PAPOLB: variants seen among roughly 807,000 people sequenced by gnomAD.
PAPOLB encodes the protein PAP-beta.
A neutral mutation model predicts 23.2 loss-of-function variants in PAPOLB; 19 were observed. The ratio of observed to expected loss-of-function variants is 0.82; its 90% CI spans 0.57 to 1.20. The LOEUF (loss-of-function observed/expected upper bound fraction) is 1.20. Among genes scored for constraint, PAPOLB ranks in the 50% most tolerant of loss-of-function variants. PAPOLB has a pLI of 0.00. For missense variants in PAPOLB, 822 were observed against 776.8 expected (o/e 1.06, Z -0.69); for synonymous variants, 360 against 290.7 (o/e 1.24, Z -2.43).
In PAPOLB at chr7:4,860,608, G is replaced by C. The variant is rs1332799219; in HGVS notation, c.1203C>G (p.Ile401Met). The change falls in exon 1 of 1, where the codon ATC becomes ATG. Residue 401 changes from isoleucine (I) to methionine (M), a missense_variant. Ile to Met is a conservative substitution (Grantham distance 10). Coordinates refer to ENST00000404991, the MANE Select transcript of PAPOLB (RefSeq NM_020144.5). The part of the protein sequence containing the change: ...WVGLVESKIR[I>M]LVGSLEKNEF... ...CATTCTTCTCCAAGCTCCCAACCAG[G>C]ATTCGGATCTTTGATTCCACCAAGC... 1.2e-6 allele frequency: 2 copies of C among 1,613,988 alleles called. No homozygotes were observed. The highest frequency in any genetic ancestry group is 1.7e-6 in the Non-Finnish European group (2 of 1,179,946).
At position 4,860,132 on chromosome 7, in the gene PAPOLB, A is replaced by C. The variant is rs771629732; in HGVS notation, c.1679T>G (p.Leu560Trp). The change falls in exon 1 of 1, where the codon TTG (leucine) becomes TGG (tryptophan). Residue 560 changes from leucine (L) to tryptophan (W), a missense_variant. Around this residue, in one of 3 missense-constraint regions of PAPOLB, gnomAD observed 534 missense variants for 502.8 expected, o/e 1.06. Coordinates refer to ENST00000404991, the MANE Select transcript of PAPOLB (RefSeq NM_020144.5). ...AGCCACAGATGCTGTCATTACAGCCAAGGCAGGACTGTTTCTACCCTGAGA... is the reference window on the plus strand; with the variant it reads ...AGCCACAGATGCTGTCATTACAGCCCAGGCAGGACTGTTTCTACCCTGAGA... ...SSSQGRNSPALAVMTASVANI... is the reference protein window; with the variant it reads ...SSSQGRNSPAWAVMTASVANI... 1 of 1,614,008 alleles carries C rather than the reference A, an allele frequency of 6.2e-7. No homozygotes were observed. The highest frequency in any genetic ancestry group is 8.5e-7 in the Non-Finnish European group (1 of 1,179,846).
In PAPOLB at chr7:4,859,996, T is replaced by C. The variant is rs747158889; in HGVS notation, c.1815A>G (p.Pro605=). 7 of 1,614,012 alleles carry C rather than the reference T, an allele frequency of 4.3e-6. No homozygotes were observed. The South Asian group carries it at 5.5e-5, about 13-fold the overall frequency. The change falls in exon 1 of 1, where the codon CCA becomes CCG. Residue 605 remains proline, a synonymous_variant. Coordinates refer to ENST00000404991, the MANE Select transcript of PAPOLB (RefSeq NM_020144.5). ...PHAVSQPAIS[P]SPKAMVARVV... is the part of the protein sequence containing the mutation. ...CTCTGGCGACCATGGCCTTTGGTGA[T>C]GGAGAAATGGCAGGCTGAGAGACAG...
rs957509022 is a variant in PAPOLB at position 4,859,536 on chromosome 7, G to A, written c.*361C>T. The A allele has an allele frequency of 1.4e-4, 30 of 208,594 alleles. No individual in the cohort carries two copies. In the South Asian group the frequency reaches 2.8e-3, roughly 19 times the overall value. The allele number at this position is 208,594 out of a possible 1,614,324, so 12.9% of individuals were successfully genotyped here. A position where few individuals can be genotyped will look rare whatever the true frequency, so the allele number is the denominator to read the frequency against. ...TCTGATCAAGACTGGCTCAGTAAAG[G>A]AAGTTACCAAATGAGCCTCAATCTA... On this transcript the variant is annotated 3_prime_UTR_variant, in exon 1 of 1. Transcript: ENST00000404991.
chr7:4,857,984 A>C lies in PAPOLB; in HGVS notation c.*1913T>G, dbSNP rs1193924960. On this transcript the variant is annotated 3_prime_UTR_variant, in exon 1 of 1. Transcript: ENST00000404991. ...GTTTAATAAACTAATTTTTTTCCCAATGTGTAAACAAAATGACCAGACTAA... is the reference window on the plus strand; with the variant it reads ...GTTTAATAAACTAATTTTTTTCCCACTGTGTAAACAAAATGACCAGACTAA... 2 of 152,664 alleles carry C rather than the reference A, an allele frequency of 1.3e-5. No homozygotes were observed. The highest frequency in any genetic ancestry group is 2.9e-5 in the Non-Finnish European group (2 of 68,042). The allele number at this position is 152,664 out of a possible 1,614,324, so 9.5% of individuals were successfully genotyped here. A position where few individuals can be genotyped will look rare whatever the true frequency, so the allele number is the denominator to read the frequency against.
At position 4,859,526 on chromosome 7, in the gene PAPOLB, C is replaced by G. The variant is rs1260577760; in HGVS notation, c.*371G>C. On this transcript the variant is annotated 3_prime_UTR_variant, in exon 1 of 1. Coordinates refer to ENST00000404991, the MANE Select transcript of PAPOLB (RefSeq NM_020144.5). ...AATGTGGACTTCTGATCAAGACTGG[C>G]TCAGTAAAGGAAGTTACCAAATGAG... is the stretch of plus-strand genomic sequence containing the variant. 5.0e-6 allele frequency: 1 copy of G among 199,176 alleles called. No homozygotes were observed. Among genetic ancestry groups the G allele is most frequent in the African/African-American group, 2.4e-5 (1 of 42,468 alleles). The allele number at this position is 199,176 out of a possible 1,614,324, so 12.3% of individuals were successfully genotyped here.
rs778089778 is a variant in PAPOLB, at chr7:4,860,887, A to G, written c.924T>C (p.Ser308=). 6.2e-7 allele frequency: 1 copy of G among 1,614,236 alleles called. No homozygotes were observed. The highest frequency in any genetic ancestry group is 2.2e-5 in the East Asian group (1 of 44,892). Residue 308 remains serine, a synonymous_variant, in exon 1 of 1, where the codon AGT becomes AGC. Coordinates refer to ENST00000404991, the MANE Select transcript of PAPOLB (RefSeq NM_020144.5). ...LPVWDPRVNP[S]DRYHLMPIIT... Reference sequence around the variant, plus strand: ...TGATAGGCATAAGATGGTACCTATCACTGGGATTTACTCTTGGGTCCCATA... The same window carrying G: ...TGATAGGCATAAGATGGTACCTATCGCTGGGATTTACTCTTGGGTCCCATA...
At position 4,861,785 on chromosome 7, in the gene PAPOLB, T is replaced by C. The variant is rs753928880; in HGVS notation, c.26A>G (p.Gln9Arg). 91 of 1,471,910 alleles carry C rather than the reference T, an allele frequency of 6.2e-5. No individual in the cohort carries two copies. The highest frequency in any genetic ancestry group is 5.5e-4 in the African/African-American group (38 of 69,416). 91.2% of individuals were successfully genotyped at this position (1,471,910 alleles called of 1,614,324 possible). A position where few individuals can be genotyped will look rare whatever the true frequency, so the allele number is the denominator to read the frequency against. ...CGGCGGCGCCGGCTGCGGTGGTCCCTGGGTTGTCACCGGAAACGGCATCAT... is the reference window on the plus strand; with the variant it reads ...CGGCGGCGCCGGCTGCGGTGGTCCCCGGGTTGTCACCGGAAACGGCATCAT... The part of the protein sequence containing the change: MMPFPVTT[Q>R]GPPQPAPPPN... Residue 9 changes from glutamine (Q) to arginine (R), a missense_variant, in exon 1 of 1, where the codon CAG becomes CGG. Gln to Arg is a conservative substitution (Grantham distance 43). This residue lies in a region of PAPOLB where 276 missense variants were observed against 243.9 expected (regional missense o/e 1.13). Transcript: ENST00000404991.
rs772039874 is a variant in PAPOLB at position 4,860,435 on chromosome 7, T to C, written c.1376A>G (p.Tyr459Cys). 3.1e-6 allele frequency: 5 copies of C among 1,614,084 alleles called. No homozygotes were observed. Among genetic ancestry groups the C allele is most frequent in the Non-Finnish European group, 4.2e-6 (5 of 1,180,008 alleles). ...AGTATCTGTGAAAGACTGGATATCA[T>C]AGGTGAGATCAATGCTGAGAATTTC... The part of the protein sequence containing the change: ...NSEILSIDLT[Y>C]DIQSFTDTVY... The change falls in exon 1 of 1, where the codon TAT (tyrosine) becomes TGT (cysteine). Residue 459 changes from tyrosine to cysteine, a missense_variant. By Grantham distance (194) the Tyr-to-Cys change is radical. Transcript: ENST00000404991.
At position 4,861,841 on chromosome 7, in the gene PAPOLB, C is replaced by T. The variant is rs1322127314; in HGVS notation, c.-31G>A. The T allele has an allele frequency of 7.2e-7, 1 of 1,397,680 alleles. No homozygotes were observed. The highest frequency in any genetic ancestry group is 3.2e-5 in the Admixed American group (1 of 31,508). 86.6% of individuals were successfully genotyped at this position (1,397,680 alleles called of 1,614,324 possible). ...AGCGCCCGCCCCGCCAGGGCACGTC[C>T]CCCACCACCGCGACCTTCGCGGCCG... On this transcript the variant is annotated 5_prime_UTR_variant, in exon 1 of 1. Coordinates refer to ENST00000404991, the MANE Select transcript of PAPOLB (RefSeq NM_020144.5).
In PAPOLB at chr7:4,860,052, C is replaced by A; in HGVS notation, c.1759G>T (p.Gly587Trp). The A allele has an allele frequency of 6.2e-7, 1 of 1,614,008 alleles. No individual in the cohort carries two copies. Among genetic ancestry groups the A allele is most frequent in the Non-Finnish European group, 8.5e-7 (1 of 1,179,880 alleles). The stretch of plus-strand genomic sequence containing the variant: ...GGAATACTTTCGTTTAATGCAACCC[C>A]TGAACTTTCATTGGTATTCACCTGT... ...LQQVNTNESSGVALNESIPHA... is the reference protein window; with the variant it reads ...LQQVNTNESSWVALNESIPHA... The change falls in exon 1 of 1, where the codon GGG becomes TGG. Residue 587 changes from glycine (G) to tryptophan (W), a missense_variant. By Grantham distance (184) the Gly-to-Trp change is radical. Coordinates refer to ENST00000404991, the MANE Select transcript of PAPOLB (RefSeq NM_020144.5).
chr7:4,861,503 G>A lies in PAPOLB; in HGVS notation c.308C>T (p.Ser103Phe), dbSNP rs747039651. 1 of 1,614,062 alleles carries A rather than the reference G, an allele frequency of 6.2e-7. No individual in the cohort carries two copies. The highest frequency in any genetic ancestry group is 8.5e-7 in the Non-Finnish European group (1 of 1,179,908). ...NVGGKIFTFG[S>F]YRLGVHTKGA... ...TTTCGTATGTACTCCTAATCTGTAAGAGCCAAACGTAAAAATCTTTCCTCC... is the reference window on the plus strand; with the variant it reads ...TTTCGTATGTACTCCTAATCTGTAAAAGCCAAACGTAAAAATCTTTCCTCC... The change falls in exon 1 of 1, where the codon TCT becomes TTT. Residue 103 changes from serine (S) to phenylalanine (F), a missense_variant. Physicochemically the swap from Ser to Phe is radical, Grantham distance 155. Transcript: ENST00000404991.
In PAPOLB at chr7:4,859,800, G is replaced by A. The variant is rs537493369; in HGVS notation, c.*97C>T. 3 of 711,312 alleles carry A rather than the reference G, an allele frequency of 4.2e-6. No homozygotes were observed. In the South Asian group the frequency reaches 5.7e-5, roughly 13 times the overall value. 44.1% of individuals were successfully genotyped at this position (711,312 alleles called of 1,614,324 possible). ...AAGATGCTGTCTGAATTTTTCTAATGGAGTTGTACTTGTCTTTGTATTGAG... is the reference window on the plus strand; with the variant it reads ...AAGATGCTGTCTGAATTTTTCTAATAGAGTTGTACTTGTCTTTGTATTGAG... On this transcript the variant is annotated 3_prime_UTR_variant, in exon 1 of 1. Transcript: ENST00000404991.
rs774932727 is a variant in PAPOLB, at chr7:4,861,860, G to A, written c.-50C>T. The A allele has an allele frequency of 6.5e-3, 3,503 of 541,046 alleles. No homozygotes were observed. Among genetic ancestry groups the A allele is most frequent in the Non-Finnish European group, 7.3e-3 (3,104 of 425,072 alleles). 33.5% of individuals were successfully genotyped at this position (541,046 alleles called of 1,614,324 possible). ...CACGTCCCCCACCACCGCGACCTTCGCGGCCGCCGCCCGGGTCATGATCCG... is the reference window on the plus strand; with the variant it reads ...CACGTCCCCCACCACCGCGACCTTCACGGCCGCCGCCCGGGTCATGATCCG... On this transcript the variant is annotated 5_prime_UTR_variant, in exon 1 of 1. Coordinates refer to ENST00000404991, the MANE Select transcript of PAPOLB (RefSeq NM_020144.5).
In PAPOLB at chr7:4,859,854, G is replaced by A. The variant is rs1437032206; in HGVS notation, c.*43C>T. The A allele has an allele frequency of 9.5e-6, 13 of 1,365,562 alleles. No individual in the cohort carries two copies. The highest frequency in any genetic ancestry group is 1.3e-5 in the Non-Finnish European group (13 of 983,480). The allele number at this position is 1,365,562 out of a possible 1,614,324, so 84.6% of individuals were successfully genotyped here. ...CTCCTCTTCCGTTTTGGTTTTCTTG[G>A]TCCTTTCTTCTTTATGAGGCAAGAA... On this transcript the variant is annotated 3_prime_UTR_variant, in exon 1 of 1. Coordinates refer to ENST00000404991, the MANE Select transcript of PAPOLB (RefSeq NM_020144.5).
rs761559548 is a variant in PAPOLB, at chr7:4,861,726, G to C, written c.85C>G (p.Leu29Val). ...NRYGVSSPIS[L>V]AVPKETDCLL... ...CAGTCCGTCTCCTTGGGGACCGCTAGACTGATAGGCGAGGAGACGCCGTAG... is the reference window on the plus strand; with the variant it reads ...CAGTCCGTCTCCTTGGGGACCGCTACACTGATAGGCGAGGAGACGCCGTAG... The change falls in exon 1 of 1, where the codon CTA (leucine) becomes GTA (valine). Residue 29 changes from leucine to valine, a missense_variant. This residue lies in a region of PAPOLB where 276 missense variants were observed against 243.9 expected (regional missense o/e 1.13). Coordinates refer to ENST00000404991, the MANE Select transcript of PAPOLB (RefSeq NM_020144.5). The C allele has an allele frequency of 1.3e-6, 2 of 1,537,594 alleles. No individual in the cohort carries two copies. The highest frequency in any genetic ancestry group is 1.7e-6 in the Non-Finnish European group (2 of 1,145,348).
At position 4,861,892 on chromosome 7, in the gene PAPOLB, C is replaced by T. The variant is rs1784017984; in HGVS notation, c.-82G>A. 1.9e-6 allele frequency: 2 copies of T among 1,029,480 alleles called. No homozygotes were observed. The highest frequency in any genetic ancestry group is 1.7e-5 in the African/African-American group (1 of 59,984). The allele number at this position is 1,029,480 out of a possible 1,614,324, so 63.8% of individuals were successfully genotyped here. Reference sequence around the variant, plus strand: ...CCGCCCGGGTCATGATCCGCTGAGGCGGAAGGGCAGGGCTTCTAGCTGCCC... The same window carrying T: ...CCGCCCGGGTCATGATCCGCTGAGGTGGAAGGGCAGGGCTTCTAGCTGCCC... On this transcript the variant is annotated 5_prime_UTR_variant, in exon 1 of 1. Transcript: ENST00000404991.
In PAPOLB at chr7:4,860,482, C is replaced by T; in HGVS notation, c.1329G>A (p.Gly443=). 1 of 1,614,068 alleles carries T rather than the reference C, an allele frequency of 6.2e-7. No homozygotes were observed. Among genetic ancestry groups the T allele is most frequent in the South Asian group, 1.1e-5 (1 of 91,086 alleles). ...EFRTMWVIGL[G]LKKPDNSEIL... is the part of the protein sequence containing the mutation. Reference sequence around the variant, plus strand: ...TTTCAGAATTATCTGGCTTTTTTAGCCCTAACCCAATCACCCACATTGTAC... The same window carrying T: ...TTTCAGAATTATCTGGCTTTTTTAGTCCTAACCCAATCACCCACATTGTAC... Residue 443 remains glycine, a synonymous_variant, in exon 1 of 1, where the codon GGG becomes GGA. Coordinates refer to ENST00000404991, the MANE Select transcript of PAPOLB (RefSeq NM_020144.5).
Position 4,861,546 on chromosome 7 carries a change from A to G in PAPOLB, c.265T>C (p.Ser89Pro), listed in dbSNP as rs766933639. ...EISESKSLPQ[S>P]VIENVGGKIF... is the part of the protein sequence containing the mutation. ...TTTCCTCCAACGTTTTCAATTACAG[A>G]CTGGGGAAGACTCTTGCTTTCACTG... Residue 89 changes from serine to proline, a missense_variant, in exon 1 of 1, where the codon TCT becomes CCT. Ser to Pro is a moderately conservative substitution (Grantham distance 74). Coordinates refer to ENST00000404991, the MANE Select transcript of PAPOLB (RefSeq NM_020144.5). The G allele has an allele frequency of 5.6e-6, 9 of 1,613,926 alleles. No homozygotes were observed. The highest frequency in any genetic ancestry group is 1.3e-5 in the African/African-American group (1 of 74,940).
chr7:4,860,483 C>T lies in PAPOLB; in HGVS notation c.1328G>A (p.Gly443Glu), dbSNP rs1282078345. The change falls in exon 1 of 1, where the codon GGG becomes GAG. Residue 443 changes from glycine (G) to glutamate (E), a missense_variant. Physicochemically the swap from Gly to Glu is moderately conservative, Grantham distance 98. Transcript: ENST00000404991. ...TTCAGAATTATCTGGCTTTTTTAGC[C>T]CTAACCCAATCACCCACATTGTACG... ...EFRTMWVIGL[G>E]LKKPDNSEIL... is the part of the protein sequence containing the mutation. 1 of 1,613,952 alleles carries T rather than the reference C, an allele frequency of 6.2e-7. No homozygotes were observed. Among genetic ancestry groups the T allele is most frequent in the Non-Finnish European group, 8.5e-7 (1 of 1,179,980 alleles).
Sources: allele counts gnomAD v4.1 joint callset, GRCh38; gene constraint gnomAD v4.1.1; regional missense constraint gnomAD v4.1.1; transcripts MANE v1.5; gene names NCBI Gene and HGNC (gene_info 2026-07-23, HGNC 2026-07-21).